PROM1: variants seen among roughly 807,000 people sequenced by gnomAD.
PROM1 encodes prominin 1, also known as prominin-1.
A neutral mutation model predicts 116.9 loss-of-function variants in PROM1; 105 were observed. The observed-to-expected ratio is 0.90, with a 90% CI of 0.77 to 1.06. The LOEUF (loss-of-function observed/expected upper bound fraction) is 1.06, where lower values mean the gene tolerates loss of function less well. Ranked by LOEUF, PROM1 falls within the 50% of genes least tolerant of loss-of-function variation. The pLI, the probability that PROM1 is intolerant of heterozygous loss-of-function variation, is 0.00. For synonymous variants in PROM1, 393 were observed against 387.0 expected, an observed-to-expected ratio of 1.02 and a Z score of -0.18; for missense variants, 1,122 against 1,045.2, an observed-to-expected ratio of 1.07 and a Z score of -1.01.
At chr4:15,992,464 C>G in intron 16 of PROM1, 73 bp from the exon 17 acceptor site, 1 of 1,514,408 alleles carries the variant, frequency 6.6e-7, no homozygotes, top group Non-Finnish European at 9.0e-7. Context: ...TTTAAAAGAG[C>G]AATAAAAGCT....
At position 16,018,387 on chromosome 4, in the gene PROM1, C is replaced by T. The variant is rs2149304332; in HGVS notation, c.938G>A (p.Ser313Asn). Residue 313 changes from serine (S) to asparagine (N), a missense_variant, in exon 9 of 28, where the codon AGT (serine) becomes AAT (asparagine). Transcript: ENST00000447510. ...NDPLCLVHPS[S>N]ETCNSIRLSL... The stretch of plus-strand genomic sequence containing the variant: ...CAATCTGATGCTGTTGCAGGTTTCA[C>T]TTGATGGATGCACCAAGCACAGAGG... 6.2e-7 allele frequency: 1 copy of T among 1,613,858 alleles called. No homozygotes were observed. Among genetic ancestry groups the T allele is most frequent in the Admixed American group, 1.7e-5 (1 of 60,026 alleles).
At chr4:16,055,203 G>T (rs1738729427) in intron 2 of PROM1, 1 of 306,762 alleles carries the variant, frequency 3.3e-6, no homozygotes, top group African/African-American at 2.2e-5. Flanking sequence ...TATTTTCCTT[G>T]GAGAAACAAA....
At chr4:15,998,110 A>G (rs1722790093) in intron 15 of PROM1, among the ~76,000 whole-genome samples, 1 of 152,226 alleles carries the variant, frequency 6.6e-6, no homozygotes, top group Admixed American at 6.5e-5. Context: ...ATGGGGTCCC[A>G]TTAGTGCATC....
intron 11 of PROM1, among the ~76,000 whole-genome samples, chr4:16,012,217 G>A (rs1248879396): frequency 6.6e-6 from 1 of 152,016 alleles, no homozygotes; most frequent in Non-Finnish European, 1.5e-5. Flanking sequence ...GGCTGATCTC[G>A]AACTCCTGAC....
At chr4:16,001,517 C>A (rs1723836153) in intron 13 of PROM1, among the ~76,000 whole-genome samples, 1 of 152,016 alleles carries the variant, frequency 6.6e-6, no homozygotes, top group African/African-American at 2.4e-5. Context: ...GGCCAGCAAA[C>A]CAGACCAAGA....
chr4:15,995,260 G>A (rs539092664), intron 15 of PROM1, among the ~76,000 whole-genome samples: 112 of 152,014 alleles, frequency 7.4e-4, no homozygotes, highest in Non-Finnish European at 1.0e-3. Flanking sequence ...ATGCTTGGAG[G>A]TTTGGAGGAT....
At chr4:16,053,832 C>T (rs1044317995) in intron 2 of PROM1, among the ~76,000 whole-genome samples, 6 of 152,224 alleles carry the variant, frequency 3.9e-5, no homozygotes, top group South Asian at 2.1e-4. Flanking sequence ...CAGTGGCTCA[C>T]GCCTATAATC....
At chr4:16,035,788 T>C (rs1733823044) in intron 3 of PROM1, 27 bp from the exon 4 acceptor site, 1 of 1,611,830 alleles carries the variant, frequency 6.2e-7, no homozygotes, top group Non-Finnish European at 8.5e-7. Flanking sequence ...AGGTGAGGAA[T>C]TTTGGCAGAG....
At chr4:15,975,484 G>T (rs1715876908) in intron 26 of PROM1, among the ~76,000 whole-genome samples, 1 of 152,202 alleles carries the variant, frequency 6.6e-6, no homozygotes, top group Non-Finnish European at 1.5e-5. Context: ...CTCCCAAAGT[G>T]CTGGGATTAC....
intron 2 of PROM1, among the ~76,000 whole-genome samples, chr4:16,067,156 C>T (rs1047172228): frequency 6.6e-6 from 1 of 152,210 alleles, no homozygotes; most frequent in African/African-American, 2.4e-5. Flanking sequence ...CAGATCTCCT[C>T]CTCCATGGAG....
chr4:16,004,826 TC>T (rs750403774), intron 13 of PROM1, among the ~76,000 whole-genome samples: 390 of 118,604 alleles, frequency 3.3e-3, no homozygotes, highest in African/African-American at 4.1e-3. Flanking sequence ...TTTCTTTCTT[TC>T]TTTTTCTTCC....
At chr4:16,042,153 T>C (rs868667029) in intron 2 of PROM1, among the ~76,000 whole-genome samples, 2 of 152,096 alleles carry the variant, frequency 1.3e-5, no homozygotes, top group South Asian at 4.1e-4. Context: ...GCTTGCAAGT[T>C]TAAGAAGCCA....
Position 16,000,576 on chromosome 4 carries a change from T to C in PROM1, c.1498A>G (p.Ile500Val), listed in dbSNP as rs757967655. 39 of 1,587,942 alleles carry C rather than the reference T, an allele frequency of 2.5e-5. No homozygotes were observed. The highest frequency in any genetic ancestry group is 3.0e-5 in the Non-Finnish European group (35 of 1,157,828). The change falls in exon 14 of 28, where the codon ATT becomes GTT. Residue 500 changes from isoleucine (I) to valine (V), a missense_variant. Physicochemically the swap from Ile to Val is conservative, Grantham distance 29. Coordinates refer to ENST00000447510, the MANE Select transcript of PROM1 (RefSeq NM_006017.3). ...SFLFCWILMI[I>V]VVLTFVFGAN... ...CCAAAGACAAAGGTAAGAACCACAA[T>C]GATCATCAATATCCAGCAAAAGAGG...
chr4:15,985,898 A>AATACAGATAAAAATATTTT, intron 21 of PROM1, 59 bp downstream of exon 21: 1 of 128,574 alleles, frequency 7.8e-6, no homozygotes, highest in Admixed American at 1.8e-4. Flanking sequence ...ATAAATATTT[A>AATACAGATAAAAATATTTT]ATCTGTAACA....
At chr4:15,994,159 G>C in intron 15 of PROM1, 88 bp from the exon 16 acceptor site, 2 of 1,577,350 alleles carry the variant, frequency 1.3e-6, no homozygotes, top group East Asian at 2.3e-5. Flanking sequence ...AAGGCTCACT[G>C]TTTCTCCTTG....
rs1296663939 is a variant in PROM1, at chr4:16,035,732, T to C, written c.303+3A>G. 1.2e-6 allele frequency: 2 copies of C among 1,612,946 alleles called. No homozygotes were observed. Among genetic ancestry groups the C allele is most frequent in the South Asian group, 1.1e-5 (1 of 91,058 alleles). On this transcript the variant is annotated splice_donor_region_variant and intron_variant, in intron 4 of 27. Transcript: ENST00000447510. Reference sequence around the variant, plus strand: ...AACTTGAAATAGCAGACAAGGACTTTACCTTTAGACCTAAGATTACAGTTT... The same window carrying C: ...AACTTGAAATAGCAGACAAGGACTTCACCTTTAGACCTAAGATTACAGTTT...
At chr4:15,983,617 G>C (rs576005730) in intron 23 of PROM1, among the ~76,000 whole-genome samples, 67 of 152,290 alleles carry the variant, frequency 4.4e-4, no homozygotes, top group African/African-American at 1.4e-3. Flanking sequence ...TTTATTTGAT[G>C]AAGTGAAAGA....
intron 6 of PROM1, 86 bp downstream of exon 6, chr4:16,025,106 G>A: frequency 1.4e-6 from 2 of 1,452,004 alleles, no homozygotes; most frequent in East Asian, 4.6e-5. Flanking sequence ...TTTCTAGAAG[G>A]TTTGATTGAG....
At chr4:16,005,913 A>G (rs1030806765) in intron 13 of PROM1, among the ~76,000 whole-genome samples, 5 of 152,204 alleles carry the variant, frequency 3.3e-5, no homozygotes, top group African/African-American at 1.2e-4. Context: ...TGTCGTATCC[A>G]TAGAGTCACA....
Sources: allele counts gnomAD v4.1 joint callset (sites outside exome capture counted in the v4.1 genomes callset), GRCh38; gene constraint gnomAD v4.1.1; transcripts MANE v1.5; gene names NCBI Gene and HGNC (gene_info 2026-07-23, HGNC 2026-07-21).